AGBL4: variants seen among roughly 807,000 people sequenced by gnomAD.
The protein encoded by AGBL4 is AGBL carboxypeptidase 4, also known as cytosolic carboxypeptidase 6.
AGBL4 carries 58 observed loss-of-function variants against 66.4 expected under a neutral mutation model. That is an observed-to-expected ratio of 0.87 (90% CI 0.71 to 1.09). AGBL4 has a LOEUF of 1.09. AGBL4 is among the 50% of genes least tolerant of loss of function. The pLI, the probability that AGBL4 is intolerant of heterozygous loss-of-function variation, is 0.00. For missense variants in AGBL4, 579 were observed against 631.0 expected (o/e 0.92, Z 0.88); for synonymous variants, 234 against 222.9 (o/e 1.05, Z -0.44).
chr1:48,634,316 G>C, intron 9 of AGBL4, 177 bp downstream of exon 9: 2 of 486,812 alleles, frequency 4.1e-6, no homozygotes, highest in Non-Finnish European at 7.5e-6. Context: ...TGCAGGAAAA[G>C]AGATTGGGAG....
intron 4 of AGBL4, among the ~76,000 whole-genome samples, chr1:49,194,961 G>A (rs1424850575): frequency 6.6e-6 from 1 of 151,760 alleles, no homozygotes; most frequent in Non-Finnish European, 1.5e-5. Flanking sequence ...CCTCAGCAAT[G>A]GAGTAGCTGG....
intron 3 of AGBL4, among the ~76,000 whole-genome samples, chr1:49,435,153 T>C (rs1645875080): frequency 6.6e-6 from 1 of 152,224 alleles, no homozygotes; most frequent in African/African-American, 2.4e-5. Context: ...TACATATTTA[T>C]TTGAGCATTC....
chr1:49,683,963 T>C (rs1337215189), intron 3 of AGBL4, among the ~76,000 whole-genome samples: 1 of 152,160 alleles, frequency 6.6e-6, no homozygotes, highest in Non-Finnish European at 1.5e-5. Flanking sequence ...AATCAGCATT[T>C]AGTTTATCAT....
chr1:49,045,557 G>A, intron 5 of AGBL4, 27 bp downstream of exon 5: 2 of 1,592,374 alleles, frequency 1.3e-6, no homozygotes, highest in Non-Finnish European at 8.6e-7. Flanking sequence ...TTCCAAATGA[G>A]TAACCCAAAC....
intron 4 of AGBL4, among the ~76,000 whole-genome samples, chr1:49,218,436 G>A (rs1293585744): frequency 6.6e-6 from 1 of 152,116 alleles, no homozygotes; most frequent in African/African-American, 2.4e-5. Context: ...GGTACATAGA[G>A]TAGTGAATGT....
intron 6 of AGBL4, among the ~76,000 whole-genome samples, chr1:48,742,059 T>A (rs554453660): frequency 6.6e-6 from 1 of 152,344 alleles, no homozygotes; most frequent in African/African-American, 2.4e-5. Context: ...GCTGAGTAGT[T>A]CTATAAGGTC....
intron 3 of AGBL4, among the ~76,000 whole-genome samples, chr1:49,656,052 C>A (rs1333912083): frequency 1.3e-5 from 2 of 151,712 alleles, no homozygotes; most frequent in Admixed American, 1.3e-4. Flanking sequence ...GAGGCTGAGG[C>A]AGGAGAATAG....
intron 4 of AGBL4, among the ~76,000 whole-genome samples, chr1:49,059,898 T>C (rs1251859351): frequency 6.6e-6 from 1 of 152,194 alleles, no homozygotes; most frequent in Non-Finnish European, 1.5e-5. Context: ...GTACCCCCAG[T>C]GTATCTAGGA....
At chr1:49,971,699 A>C (rs1658095803) in intron 1 of AGBL4, among the ~76,000 whole-genome samples, 1 of 151,926 alleles carries the variant, frequency 6.6e-6, no homozygotes. Context: ...AAAGGCATTA[A>C]ATTTGTGAGT....
chr1:49,200,493 A>G (rs1647601050), intron 4 of AGBL4, among the ~76,000 whole-genome samples: 1 of 152,154 alleles, frequency 6.6e-6, no homozygotes. Flanking sequence ...AGGGCTCAGT[A>G]CTACAAGACT....
intron 4 of AGBL4, among the ~76,000 whole-genome samples, chr1:49,121,867 A>G (rs1341627703): frequency 6.6e-6 from 1 of 152,220 alleles, no homozygotes; most frequent in Non-Finnish European, 1.5e-5. Flanking sequence ...GGCTCCGCCC[A>G]TTTCGAGCTT....
At chr1:49,540,807 GC>G (rs1382400074) in intron 3 of AGBL4, among the ~76,000 whole-genome samples, 1 of 151,776 alleles carries the variant, frequency 6.6e-6, no homozygotes, top group Non-Finnish European at 1.5e-5. Context: ...ACCTTTCCTA[GC>G]CTTGCATAAC....
chr1:48,701,638 C>T (rs947350749), intron 6 of AGBL4, among the ~76,000 whole-genome samples: 1 of 152,088 alleles, frequency 6.6e-6, no homozygotes, highest in African/African-American at 2.4e-5. Context: ...AGATAATAGA[C>T]ATTAAAATGC....
intron 3 of AGBL4, among the ~76,000 whole-genome samples, chr1:49,663,814 T>C (rs1398844126): frequency 6.6e-6 from 1 of 152,008 alleles, no homozygotes; most frequent in Non-Finnish European, 1.5e-5. Flanking sequence ...CCATTGGGAA[T>C]AGGAGTGAAA....
intron 2 of AGBL4, among the ~76,000 whole-genome samples, chr1:49,765,292 G>T (rs1012456491): frequency 1.6e-4 from 24 of 151,968 alleles, no homozygotes; most frequent in African/African-American, 5.8e-4. Context: ...CTGGCATGTA[G>T]GTCAAACCAC....
chr1:48,609,447 G>A (rs960604515), intron 9 of AGBL4, among the ~76,000 whole-genome samples: 1 of 152,102 alleles, frequency 6.6e-6, no homozygotes, highest in African/African-American at 2.4e-5. Context: ...TGAGACACAT[G>A]GTCTCACTCT....
At chr1:49,530,631 G>C (rs1345228319) in intron 3 of AGBL4, among the ~76,000 whole-genome samples, 1 of 151,956 alleles carries the variant, frequency 6.6e-6, no homozygotes, top group African/African-American at 2.4e-5. Context: ...CATCCTATTT[G>C]ATAATATATG....
At chr1:49,079,921 C>A (rs900023959) in intron 4 of AGBL4, among the ~76,000 whole-genome samples, 2 of 152,122 alleles carry the variant, frequency 1.3e-5, no homozygotes, top group African/African-American at 4.8e-5. Flanking sequence ...CAAATTATTT[C>A]TTTTCCTTTG....
At chr1:50,003,083 T>G (rs1365848706) in intron 1 of AGBL4, among the ~76,000 whole-genome samples, 1 of 152,202 alleles carries the variant, frequency 6.6e-6, no homozygotes, top group Non-Finnish European at 1.5e-5. Context: ...TTAACTCATG[T>G]CTGATATAAA....
Sources: gnomAD v4.1 joint callset for allele counts (sites outside exome capture counted in the v4.1 genomes callset) on GRCh38, gnomAD v4.1.1 for gene constraint, MANE v1.5 for transcripts, NCBI Gene and HGNC (gene_info 2026-07-23, HGNC 2026-07-21) for gene names.